MGAT4D: variants seen among roughly 807,000 people sequenced by gnomAD.
MGAT4D encodes the protein MGAT4 family member D, also known as alpha-1,3-mannosyl-glycoprotein 4-beta-N-acetylglucosaminyltransferase-like protein MGAT4D.
MGAT4D carries 34 observed loss-of-function variants against 15.9 expected under a neutral mutation model. The ratio of observed to expected loss-of-function variants is 2.14; its 90% CI spans 1.62 to 2.84. MGAT4D has a LOEUF of 2.84. Ranked by LOEUF, MGAT4D falls within the 30% of genes most tolerant of loss-of-function variation. The pLI is 0.00. For missense variants in MGAT4D, 327 were observed against 140.2 expected, an observed-to-expected ratio of 2.33 and a Z score of -6.73; for synonymous variants, 112 against 48.2, an observed-to-expected ratio of 2.33 and a Z score of -5.49.
chr4:140,469,282 C>A (rs556027104), intron 5 of MGAT4D, among the ~76,000 whole-genome samples: 1 of 152,254 alleles, frequency 6.6e-6, no homozygotes, highest in South Asian at 2.1e-4. Context: ...GCAGCTGCCC[C>A]TTTTTTGCTT....
chr4:140,481,230 A>C (rs6851046), intron 2 of MGAT4D, among the ~76,000 whole-genome samples: 37,387 of 151,770 alleles, frequency 0.25, 4,918 homozygotes, highest in East Asian at 0.48. Flanking sequence ...GCTTGGGCCC[A>C]GGAGGTGGAG....
In MGAT4D at chr4:140,482,368, T is replaced by A. The variant is rs1278383818; in HGVS notation, c.212A>T (p.Lys71Met). The A allele has an allele frequency of 1.5e-6, 1 of 650,654 alleles. No homozygotes were observed. The highest frequency in any genetic ancestry group is 2.7e-6 in the Non-Finnish European group (1 of 366,708). 40.3% of individuals were successfully genotyped at this position (650,654 alleles called of 1,614,324 possible). ...QEMMKVLNRM[K>M]YEITKREILS... The stretch of plus-strand genomic sequence containing the variant: ...AATTTCTCTCTTTGTAATTTCATAC[T>A]TCATTCGATTCAAAACTTTCATCAT... Residue 71 changes from lysine (K) to methionine (M), a missense_variant, in exon 2 of 11, where the codon AAG becomes ATG. By Grantham distance (95) the Lys-to-Met change is moderately conservative (BLOSUM62 -1). Transcript: ENST00000511113.
chr4:140,497,502 G>C (rs1733912563), intron 1 of MGAT4D, among the ~76,000 whole-genome samples: 1 of 152,124 alleles, frequency 6.6e-6, no homozygotes, highest in Admixed American at 6.5e-5. Context: ...TCCTAAATTG[G>C]CACTTCTATG....
chr4:140,473,435 C>T (rs1268010782), intron 4 of MGAT4D, among the ~76,000 whole-genome samples: 1 of 152,126 alleles, frequency 6.6e-6, no homozygotes, highest in Non-Finnish European at 1.5e-5. Context: ...ATTTATTGAG[C>T]ACTTACTATG....
At chr4:140,456,548 T>G (rs557884001) in intron 9 of MGAT4D, 41 bp downstream of exon 9, 6 of 563,270 alleles carry the variant, frequency 1.1e-5, no homozygotes, top group Non-Finnish European at 1.6e-5. Context: ...ATAGATAATA[T>G]TTTTCCTAAA....
At chr4:140,465,070 ATACT>A (rs1731443275) in intron 5 of MGAT4D, 61 bp from the exon 6 acceptor site, 1 of 635,496 alleles carries the variant, frequency 1.6e-6, no homozygotes, top group Non-Finnish European at 2.8e-6. Context: ...AATAACATAA[ATACT>A]TAAAAATAAT....
At chr4:140,455,920 T>C (rs1730766492) in intron 9 of MGAT4D, among the ~76,000 whole-genome samples, 1 of 152,172 alleles carries the variant, frequency 6.6e-6, no homozygotes, top group African/African-American at 2.4e-5. Context: ...GCTGATGGCT[T>C]GAGCCTAGGA....
chr4:140,497,422 C>A (rs1220859759), intron 1 of MGAT4D, among the ~76,000 whole-genome samples: 1 of 152,140 alleles, frequency 6.6e-6, no homozygotes, highest in Non-Finnish European at 1.5e-5. Context: ...ATGTCCCATG[C>A]AATTTTTTAT....
chr4:140,455,548 A>G (rs1730740920), intron 9 of MGAT4D, among the ~76,000 whole-genome samples: 1 of 152,158 alleles, frequency 6.6e-6, no homozygotes, highest in African/African-American at 2.4e-5. Context: ...TATTGGATGT[A>G]GTGGTTTTTA....
intron 5 of MGAT4D, among the ~76,000 whole-genome samples, chr4:140,466,775 G>T (rs1731560851): frequency 6.6e-6 from 1 of 151,866 alleles, no homozygotes; most frequent in South Asian, 2.1e-4. Flanking sequence ...ATGCTATCTT[G>T]CAAATCAAGG....
intron 1 of MGAT4D, among the ~76,000 whole-genome samples, chr4:140,483,740 T>G (rs1463992127): frequency 6.6e-6 from 1 of 152,052 alleles, no homozygotes; most frequent in South Asian, 2.1e-4. Context: ...TGACAAAGTT[T>G]CCAAGAACAC....
chr4:140,470,137 CT>C (rs1731825903), intron 5 of MGAT4D, among the ~76,000 whole-genome samples: 1 of 152,238 alleles, frequency 6.6e-6, no homozygotes, highest in Non-Finnish European at 1.5e-5. Context: ...GCTGTGTGCT[CT>C]TTCTTCTCCC....
chr4:140,494,231 A>G (rs1202691823), intron 1 of MGAT4D, among the ~76,000 whole-genome samples: 2 of 152,292 alleles, frequency 1.3e-5, no homozygotes, highest in Admixed American at 6.5e-5. Flanking sequence ...ATGAAGTACT[A>G]CTCAAACTGA....
chr4:140,464,593 T>C (rs1287258795), intron 6 of MGAT4D, among the ~76,000 whole-genome samples: 1 of 152,204 alleles, frequency 6.6e-6, no homozygotes, highest in African/African-American at 2.4e-5. Context: ...AATGTGAACA[T>C]AGACCATCAG....
At chr4:140,471,058 G>A (rs1384868888) in intron 5 of MGAT4D, among the ~76,000 whole-genome samples, 1 of 151,580 alleles carries the variant, frequency 6.6e-6, no homozygotes, top group Admixed American at 6.6e-5. Flanking sequence ...CTTAATTTTG[G>A]GGGCCATTTT....
chr4:140,497,220 A>C (rs979973353), intron 1 of MGAT4D, among the ~76,000 whole-genome samples: 6 of 152,172 alleles, frequency 3.9e-5, no homozygotes, highest in African/African-American at 1.4e-4. Flanking sequence ...AATTTAACTG[A>C]AAACAACGTA....
intron 9 of MGAT4D, among the ~76,000 whole-genome samples, chr4:140,454,514 G>A (rs1730673620): frequency 6.6e-6 from 1 of 152,030 alleles, no homozygotes; most frequent in African/African-American, 2.4e-5. Context: ...CTATTACTGG[G>A]AAGATTTTTC....
At chr4:140,475,560 C>T (rs1289406628) in intron 3 of MGAT4D, among the ~76,000 whole-genome samples, 1 of 150,112 alleles carries the variant, frequency 6.7e-6, no homozygotes, top group Non-Finnish European at 1.5e-5. Context: ...ACAACATCTC[C>T]AGCCTTATGT....
chr4:140,461,872 T>C (rs1422021551), intron 7 of MGAT4D, 57 bp downstream of exon 7: 4 of 512,210 alleles, frequency 7.8e-6, no homozygotes, highest in South Asian at 3.2e-5. Context: ...ACAGATATAA[T>C]TGGTGTATAC....
Sources: allele counts gnomAD v4.1 joint callset (sites outside exome capture counted in the v4.1 genomes callset), GRCh38; gene constraint gnomAD v4.1.1; transcripts MANE v1.5; gene names NCBI Gene and HGNC (gene_info 2026-07-23, HGNC 2026-07-21).